Variants in KCNH5 observed in about 807,000 individuals in gnomAD.
KCNH5 encodes voltage-gated delayed rectifier potassium channel KCNH5.
A neutral mutation model predicts 96.1 loss-of-function variants in KCNH5; 46 were observed. That is an observed-to-expected ratio of 0.48 (90% confidence interval 0.38 to 0.61). KCNH5 has a LOEUF of 0.61. KCNH5 is among the 20% of genes least tolerant of loss of function. KCNH5 has a pLI of 0.00. For missense variants in KCNH5, 907 were observed against 1,225.8 expected (o/e 0.74, Z 3.88); for synonymous variants, 439 against 449.8 (o/e 0.98, Z 0.30).
At position 62,981,166 on chromosome 14, in the gene KCNH5, A is replaced by T; in HGVS notation, c.648T>A (p.Thr216=). 6.2e-7 allele frequency: 1 copy of T among 1,614,170 alleles called. No individual in the cohort carries two copies. The highest frequency in any genetic ancestry group is 8.5e-7 in the Non-Finnish European group (1 of 1,180,016). Residue 216 remains threonine, a synonymous_variant, in exon 6 of 11, where the codon ACT becomes ACA. Transcript: ENST00000322893. ...TAAGAATTAAAATCACCCAATCCCAAGTAGTTTTAAAAGCACAATAATGTA... is the reference window on the plus strand; with the variant it reads ...TAAGAATTAAAATCACCCAATCCCATGTAGTTTTAAAAGCACAATAATGTA... ...IILHYCAFKT[T]WDWVILILTF...
chr14:62,809,611 C>A (rs1021081932), intron 8 of KCNH5, among the ~76,000 whole-genome samples: 3 of 152,010 alleles, frequency 2.0e-5, no homozygotes, highest in African/African-American at 7.2e-5. Context: ...ATATGAGATT[C>A]CTTATGAAAC....
At chr14:62,718,576 T>C (rs1020485007) in intron 10 of KCNH5, among the ~76,000 whole-genome samples, 14 of 152,154 alleles carry the variant, frequency 9.2e-5, no homozygotes, top group Non-Finnish European at 1.9e-4. Flanking sequence ...GTCGGAAGGA[T>C]GTGGAGAAAC....
chr14:62,769,510 T>C (rs947625176), intron 10 of KCNH5, among the ~76,000 whole-genome samples: 2 of 152,208 alleles, frequency 1.3e-5, no homozygotes, highest in Admixed American at 1.3e-4. Context: ...TCCACAGTGA[T>C]ATCAAAATTG....
chr14:62,907,408 C>G (rs953877093), intron 7 of KCNH5, among the ~76,000 whole-genome samples: 4 of 152,170 alleles, frequency 2.6e-5, no homozygotes, highest in African/African-American at 9.7e-5. Flanking sequence ...CATGATTTGT[C>G]TTCACAGTGC....
chr14:62,869,379 G>GTT (rs531475423), intron 7 of KCNH5, among the ~76,000 whole-genome samples: 26 of 143,466 alleles, frequency 1.8e-4, no homozygotes, highest in Non-Finnish European at 9.1e-5. Context: ...TTTTGATGGG[G>GTT]TTTTTTTTTT....
intron 4 of KCNH5, among the ~76,000 whole-genome samples, chr14:62,994,680 G>A (rs1890874700): frequency 6.6e-6 from 1 of 151,984 alleles, no homozygotes; most frequent in Admixed American, 6.6e-5. Flanking sequence ...AGAAAGCAAG[G>A]GATTGAGGTA....
At chr14:62,929,295 C>G (rs929571811) in intron 7 of KCNH5, among the ~76,000 whole-genome samples, 1 of 152,074 alleles carries the variant, frequency 6.6e-6, no homozygotes. Flanking sequence ...TCCATTGTTA[C>G]TATCTTGGCC....
chr14:62,828,152 G>C (rs1211791132), intron 8 of KCNH5, among the ~76,000 whole-genome samples: 2 of 151,128 alleles, frequency 1.3e-5, no homozygotes, highest in African/African-American at 4.9e-5. Context: ...GATTTTTTTG[G>C]ATTTCTGACT....
chr14:62,737,934 G>C (rs1885193096), intron 10 of KCNH5, among the ~76,000 whole-genome samples: 1 of 152,076 alleles, frequency 6.6e-6, no homozygotes, highest in African/African-American at 2.4e-5. Context: ...CAGACAGTCT[G>C]AACCATATAC....
At chr14:62,785,347 G>T (rs996854608) in intron 9 of KCNH5, among the ~76,000 whole-genome samples, 27 of 152,288 alleles carry the variant, frequency 1.8e-4, no homozygotes, top group Admixed American at 1.5e-3. Flanking sequence ...TAACGTGCAT[G>T]CATCCAATAT....
intron 7 of KCNH5, among the ~76,000 whole-genome samples, chr14:62,934,523 G>A (rs1889641577): frequency 6.6e-6 from 1 of 152,156 alleles, no homozygotes; most frequent in African/African-American, 2.4e-5. Context: ...GTGCATTTAT[G>A]CCAGGCCTCA....
intron 6 of KCNH5, among the ~76,000 whole-genome samples, chr14:62,966,473 A>G (rs529767544): frequency 1.3e-5 from 2 of 152,324 alleles, no homozygotes; most frequent in Non-Finnish European, 2.9e-5. Flanking sequence ...TACTGGAGCC[A>G]TCTTGACTTA....
intron 1 of KCNH5, among the ~76,000 whole-genome samples, chr14:63,020,063 C>A (rs1409072265): frequency 1.3e-5 from 2 of 152,008 alleles, no homozygotes; most frequent in African/African-American, 4.8e-5. Flanking sequence ...CCAATGAGCA[C>A]AAGAACAAGA....
chr14:63,033,105 C>T (rs75599195), intron 1 of KCNH5, among the ~76,000 whole-genome samples: 2,493 of 152,248 alleles, frequency 0.016, 26 homozygotes, highest in East Asian at 0.07. Context: ...TCATATCTTG[C>T]GTCGACTACC....
chr14:62,747,472 G>C (rs951312824), intron 10 of KCNH5, among the ~76,000 whole-genome samples: 3 of 152,142 alleles, frequency 2.0e-5, no homozygotes, highest in African/African-American at 7.2e-5. Flanking sequence ...GAACATATTT[G>C]TATAATAACT....
intron 7 of KCNH5, among the ~76,000 whole-genome samples, chr14:62,859,108 C>A (rs554094961): frequency 6.6e-6 from 1 of 152,292 alleles, no homozygotes; most frequent in South Asian, 2.1e-4. Context: ...ATAGGCAAAC[C>A]TATATCTGGA....
At chr14:62,931,745 G>A (rs1405062232) in intron 7 of KCNH5, among the ~76,000 whole-genome samples, 1 of 152,160 alleles carries the variant, frequency 6.6e-6, no homozygotes, top group Admixed American at 6.5e-5. Flanking sequence ...TTGAAAGTCT[G>A]TTTAAGAAAC....
At chr14:62,932,024 CA>C (rs1396600970) in intron 7 of KCNH5, among the ~76,000 whole-genome samples, 3 of 152,142 alleles carry the variant, frequency 2.0e-5, no homozygotes, top group Non-Finnish European at 4.4e-5. Context: ...AGGGAATTGG[CA>C]GCCTAACAGA....
chr14:62,730,346 A>G (rs1185038182), intron 10 of KCNH5, among the ~76,000 whole-genome samples: 2 of 152,208 alleles, frequency 1.3e-5, no homozygotes, highest in African/African-American at 2.4e-5. Flanking sequence ...GCTACAGCAT[A>G]TTTATTTAAT....
Sources: allele counts gnomAD v4.1 joint callset (sites outside exome capture counted in the v4.1 genomes callset), GRCh38; gene constraint gnomAD v4.1.1; transcripts MANE v1.5; gene names NCBI Gene and HGNC (gene_info 2026-07-23, HGNC 2026-07-21).